PSG2: variants seen among roughly 807,000 people sequenced by gnomAD.
PSG2 encodes the protein pregnancy-specific beta-1-glycoprotein 2.
Under a neutral mutation model 36.2 loss-of-function variants are expected in PSG2, and 49 were observed. The ratio of observed to expected loss-of-function variants is 1.35; its 90% CI spans 1.08 to 1.72. The LOEUF is 1.72. Ranked by LOEUF, PSG2 falls within the 40% of genes most tolerant of loss-of-function variation. The pLI is 0.00. For synonymous variants in PSG2, 261 were observed against 155.6 expected, an observed-to-expected ratio of 1.68 and a Z score of -5.04; for missense variants, 605 against 407.2, an observed-to-expected ratio of 1.49 and a Z score of -4.18.
chr19:43,065,226 T>G (rs1400867222), intron 5 of PSG2, among the ~76,000 whole-genome samples: 3 of 151,604 alleles, frequency 2.0e-5, no homozygotes, highest in Admixed American at 1.3e-4. Context: ...TTCTATAAAT[T>G]TAATATATAA....
intron 4 of PSG2, among the ~76,000 whole-genome samples, chr19:43,067,302 T>A (rs959889142): frequency 1.3e-4 from 20 of 151,468 alleles, no homozygotes; most frequent in Admixed American, 1.3e-4. Context: ...TGATAAATTA[T>A]CTTGTATGTC....
intron 2 of PSG2, among the ~76,000 whole-genome samples, chr19:43,080,316 C>T (rs929111003): frequency 1.3e-5 from 2 of 151,722 alleles, no homozygotes; most frequent in Admixed American, 1.3e-4. Context: ...TACACCATTG[C>T]CCAGATGAGG....
chr19:43,071,006 A>G (rs1599705937), intron 4 of PSG2, among the ~76,000 whole-genome samples: 2 of 151,594 alleles, frequency 1.3e-5, no homozygotes, highest in South Asian at 4.2e-4. Context: ...GCTTCATACA[A>G]CCGCTGACTT....
intron 1 of PSG2, chr19:43,082,184 A>G (rs561338964): frequency 1.4e-3 from 204 of 145,606 alleles, no homozygotes; most frequent in Non-Finnish European, 2.2e-3. Flanking sequence ...ACTGTCGCCC[A>G]GGCTGGTATG....
intron 3 of PSG2, chr19:43,072,373 G>A (rs1967832034): frequency 6.8e-6 from 11 of 1,612,668 alleles, no homozygotes; most frequent in Non-Finnish European, 9.3e-6. Context: ...GGGTGACTGG[G>A]TCACTGTGGA....
At chr19:43,077,610 G>A (rs865920938) in intron 2 of PSG2, among the ~76,000 whole-genome samples, 1 of 151,850 alleles carries the variant, frequency 6.6e-6, no homozygotes, top group African/African-American at 2.4e-5. Flanking sequence ...AAACACTTGT[G>A]TGTGGCACAG....
At chr19:43,068,322 C>A (rs529701738) in intron 4 of PSG2, among the ~76,000 whole-genome samples, 15 of 151,272 alleles carry the variant, frequency 9.9e-5, no homozygotes, top group Admixed American at 9.2e-4. Context: ...ACCTGTAGTC[C>A]TAGCATCTTG....
chr19:43,072,004 A>T, intron 3 of PSG2, 50 bp from the exon 4 acceptor site: 1 of 1,594,612 alleles, frequency 6.3e-7, no homozygotes, highest in Admixed American at 1.7e-5. Flanking sequence ...AGGGAAGGGG[A>T]TGCTCCTGGT....
chr19:43,064,728 G>A, intron 5 of PSG2, 127 bp from the exon 6 acceptor site: 1 of 336,806 alleles, frequency 3.0e-6, no homozygotes, highest in Non-Finnish European at 5.8e-6. Flanking sequence ...AATTTATTAT[G>A]GTAAAGACAC....
Position 43,070,506 on chromosome 19 carries a change from A to G in PSG2, c.964+1194T>C, listed in dbSNP as rs141696824. 5.2e-3 allele frequency among the ~76,000 whole-genome samples: 794 copies of G among 151,920 alleles called. 28 individuals are homozygous for G. Among genetic ancestry groups the G allele is most frequent in the African/African-American group, 0.018 (747 of 41,244 alleles). The stretch of plus-strand genomic sequence containing the variant: ...AGGTGTGTCTATACGTTGAAATGTT[A>G]TTCAACCTTAACAAGGAATAAAATT... On this transcript the variant is annotated intron_variant, in intron 4 of 5. Transcript: ENST00000406487.
intron 4 of PSG2, among the ~76,000 whole-genome samples, 188 bp from the exon 5 acceptor site, chr19:43,066,788 G>C (rs555620052): frequency 1.3e-5 from 2 of 151,592 alleles, no homozygotes; most frequent in Admixed American, 1.3e-4. Flanking sequence ...CATGTGTCTC[G>C]GTTGGTGATC....
rs556457456 is a variant in PSG2, at chr19:43,079,550, T to G, written c.430+1331A>C. On this transcript the variant is annotated intron_variant, in intron 2 of 5. Coordinates refer to ENST00000406487, the MANE Select transcript of PSG2 (RefSeq NM_031246.4). ...GTGTCTCTCACTGGGCCTGTGCTGA[T>G]GCAGGGTGTGAGTGGGGAAAGAAAA... Among the ~76,000 whole-genome samples, 75 of 151,712 alleles carry G rather than the reference T, an allele frequency of 4.9e-4. 2 individuals carry two copies. The highest frequency in any genetic ancestry group is 8.8e-4 in the Non-Finnish European group (60 of 67,986).
At position 43,082,571 on chromosome 19, in the gene PSG2, G is replaced by T. The variant is rs1162283204; in HGVS notation, c.-2C>A. Reference sequence around the variant, plus strand: ...GGGAGGGGCTGAGAGGGGCCCCATGGTCTCTGCTGCCTGTGTGTTCTCCTC... The same window carrying T: ...GGGAGGGGCTGAGAGGGGCCCCATGTTCTCTGCTGCCTGTGTGTTCTCCTC... On this transcript the variant is annotated 5_prime_UTR_variant, in exon 1 of 6. Transcript: ENST00000406487. 3.1e-6 allele frequency: 5 copies of T among 1,611,728 alleles called. No individual in the cohort carries two copies. Among genetic ancestry groups the T allele is most frequent in the Non-Finnish European group, 4.2e-6 (5 of 1,178,908 alleles).
chr19:43,067,568 C>T (rs1261417715), intron 4 of PSG2, among the ~76,000 whole-genome samples: 2 of 151,414 alleles, frequency 1.3e-5, no homozygotes, highest in Non-Finnish European at 1.5e-5. Flanking sequence ...GTCAGGTAGA[C>T]ATTATTTCCA....
At chr19:43,069,906 T>C (rs570579442) in intron 4 of PSG2, among the ~76,000 whole-genome samples, 2 of 151,794 alleles carry the variant, frequency 1.3e-5, no homozygotes, top group South Asian at 2.1e-4. Context: ...AGGCAACCCA[T>C]GAAATGATAA....
chr19:43,071,099 G>A (rs1375249478), intron 4 of PSG2, among the ~76,000 whole-genome samples: 2 of 151,400 alleles, frequency 1.3e-5, no homozygotes, highest in Admixed American at 1.3e-4. Flanking sequence ...GGGAGGCTTG[G>A]CTTCAACTGG....
intron 4 of PSG2, among the ~76,000 whole-genome samples, chr19:43,069,490 T>A (rs1967787029): frequency 1.3e-5 from 2 of 151,750 alleles, no homozygotes; most frequent in South Asian, 4.1e-4. Context: ...CAATACAGTG[T>A]GGTACTGGCA....
At chr19:43,068,485 A>G (rs1012930318) in intron 4 of PSG2, among the ~76,000 whole-genome samples, 4 of 151,016 alleles carry the variant, frequency 2.6e-5, no homozygotes, top group African/African-American at 9.8e-5. Flanking sequence ...AAAGAAAGAA[A>G]GAAAGAAAAA....
At chr19:43,073,981 C>T (rs1353854369) in intron 3 of PSG2, among the ~76,000 whole-genome samples, 1 of 151,646 alleles carries the variant, frequency 6.6e-6, no homozygotes, top group Non-Finnish European at 1.5e-5. Context: ...CAAAGATATT[C>T]TTGCCCTTTT....
Sources: gnomAD v4.1 joint callset for allele counts (sites outside exome capture counted in the v4.1 genomes callset) on GRCh38, gnomAD v4.1.1 for gene constraint, MANE v1.5 for transcripts, NCBI Gene and HGNC (gene_info 2026-07-23, HGNC 2026-07-21) for gene names.